Variants in VAV3 observed in about 807,000 individuals in gnomAD.
VAV3 encodes guanine nucleotide exchange factor VAV3.
Under a neutral mutation model 131.2 loss-of-function variants are expected in VAV3, and 94 were observed. The ratio of observed to expected loss-of-function variants is 0.72; its 90% confidence interval spans 0.61 to 0.85. VAV3 has a LOEUF of 0.85. Among genes scored for constraint, VAV3 ranks in the 40% least tolerant of loss-of-function variants. The pLI is 0.00. For synonymous variants in VAV3, 349 were observed against 342.0 expected (o/e 1.02, Z -0.22); for missense variants, 939 against 1,002.7 (o/e 0.94, Z 0.86).
chr1:107,606,174 A>T (rs1237499386), intron 22 of VAV3, among the ~76,000 whole-genome samples: 2 of 152,186 alleles, frequency 1.3e-5, no homozygotes, highest in Non-Finnish European at 2.9e-5. Context: ...ATTTTATTTT[A>T]CCTAGTAATT....
At chr1:107,859,887 T>C in intron 2 of VAV3, among the ~76,000 whole-genome samples, 1 of 152,184 alleles carries the variant, frequency 6.6e-6, no homozygotes, top group African/African-American at 2.4e-5. Flanking sequence ...TAAAATTTGA[T>C]ATTTTAAATA....
At chr1:107,703,088 T>C (rs1022382419) in intron 17 of VAV3, among the ~76,000 whole-genome samples, 9 of 152,150 alleles carry the variant, frequency 5.9e-5, no homozygotes, top group Middle Eastern at 3.2e-3. Context: ...TCATTTTACA[T>C]TCTTCACAGA....
intron 2 of VAV3, among the ~76,000 whole-genome samples, chr1:107,842,721 G>A (rs753014492): frequency 2.6e-5 from 4 of 151,936 alleles, no homozygotes; most frequent in Admixed American, 6.6e-5. Flanking sequence ...TCATTTTTAC[G>A]CATTTTAATT....
chr1:107,669,077 G>A, intron 19 of VAV3: 1 of 1,080,716 alleles, frequency 9.3e-7, no homozygotes, highest in Non-Finnish European at 1.1e-6. Context: ...GAACACAGGG[G>A]AAAAAAAGAA....
At chr1:107,850,653 T>C (rs1346290978) in intron 2 of VAV3, among the ~76,000 whole-genome samples, 3 of 152,014 alleles carry the variant, frequency 2.0e-5, no homozygotes, top group African/African-American at 4.8e-5. Context: ...CAAACCACCA[T>C]GGCACATGTA....
At chr1:107,856,182 G>A (rs1669459167) in intron 2 of VAV3, among the ~76,000 whole-genome samples, 1 of 152,194 alleles carries the variant, frequency 6.6e-6, no homozygotes, top group African/African-American at 2.4e-5. Context: ...CATGAAATCT[G>A]GGATTCCCAA....
chr1:107,709,456 T>A (rs1159895819), intron 15 of VAV3, among the ~76,000 whole-genome samples: 1 of 152,188 alleles, frequency 6.6e-6, no homozygotes, highest in Non-Finnish European at 1.5e-5. Flanking sequence ...ACCTCTTATG[T>A]GAAAGAACAC....
At chr1:107,951,623 C>T (rs1007874369) in intron 1 of VAV3, among the ~76,000 whole-genome samples, 1 of 151,786 alleles carries the variant, frequency 6.6e-6, no homozygotes, top group African/African-American at 2.4e-5. Flanking sequence ...AACAAATGTA[C>T]AAGAAAAACA....
chr1:107,737,525 C>T (rs1662730859), intron 15 of VAV3, among the ~76,000 whole-genome samples: 1 of 152,052 alleles, frequency 6.6e-6, no homozygotes, highest in Non-Finnish European at 1.5e-5. Flanking sequence ...ATCAAACAAC[C>T]CATCAAAAAG....
intron 2 of VAV3, among the ~76,000 whole-genome samples, chr1:107,831,829 A>T (rs1055681376): frequency 6.6e-6 from 1 of 152,238 alleles, no homozygotes; most frequent in African/African-American, 2.4e-5. Flanking sequence ...ATGTAACCAT[A>T]GTAAAAACCA....
At chr1:107,605,248 A>AACAATATAATT (rs1342029948) in intron 22 of VAV3, among the ~76,000 whole-genome samples, 2 of 152,198 alleles carry the variant, frequency 1.3e-5, no homozygotes, top group Non-Finnish European at 2.9e-5. Flanking sequence ...TTGTTATAAG[A>AACAATATAATT]GTATTGAAAG....
At chr1:107,719,867 T>C (rs1661375259) in intron 15 of VAV3, among the ~76,000 whole-genome samples, 1 of 152,198 alleles carries the variant, frequency 6.6e-6, no homozygotes, top group African/African-American at 2.4e-5. Context: ...CACCATGGAA[T>C]ACTATGCAGC....
At chr1:107,848,079 T>C (rs962237709) in intron 2 of VAV3, among the ~76,000 whole-genome samples, 1 of 151,968 alleles carries the variant, frequency 6.6e-6, no homozygotes, top group African/African-American at 2.4e-5. Flanking sequence ...TTTGGGAGGC[T>C]GAGGAGGGTG....
chr1:107,933,708 CAGG>C (rs1673572784), intron 1 of VAV3, among the ~76,000 whole-genome samples: 1 of 149,256 alleles, frequency 6.7e-6, no homozygotes, highest in South Asian at 2.1e-4. Flanking sequence ...TCCAGCTCCT[CAGG>C]AGGCTGAGGT....
At chr1:107,845,916 C>G (rs1668945143) in intron 2 of VAV3, among the ~76,000 whole-genome samples, 1 of 152,170 alleles carries the variant, frequency 6.6e-6, no homozygotes, top group African/African-American at 2.4e-5. Context: ...ACTAGCAACA[C>G]AGGCCAACAT....
At chr1:107,885,670 GATACAGGTAAGTACTGTTACAAT>G (rs1159719518) in intron 1 of VAV3, among the ~76,000 whole-genome samples, 4 of 151,992 alleles carry the variant, frequency 2.6e-5, no homozygotes, top group Non-Finnish European at 5.9e-5. Flanking sequence ...GTACTTACCT[GATACAGGTAAGTACTGTTACAAT>G]TCCCATTTAC....
In VAV3 at chr1:107,660,901, C is replaced by T. The variant is rs1455310176; in HGVS notation, c.1778-18146G>A. 2.6e-5 allele frequency among the ~76,000 whole-genome samples: 4 copies of T among 151,982 alleles called. No individual in the cohort carries two copies. The South Asian group carries it at 6.2e-4, about 24-fold the overall frequency. ...GAAGCACAAACCAAAAGGACATAAT[C>T]TCATCAAGTGTTCAGGGAAGGCACA... On this transcript the variant is annotated intron_variant, in intron 19 of 26. Transcript: ENST00000370056.
intron 15 of VAV3, among the ~76,000 whole-genome samples, chr1:107,738,488 A>G (rs919067864): frequency 4.6e-5 from 7 of 152,336 alleles, no homozygotes; most frequent in Non-Finnish European, 7.4e-5. Context: ...CACAATACAT[A>G]GTCTTATTCA....
chr1:107,919,594 C>T lies in VAV3; in HGVS notation c.205-44577G>A, dbSNP rs559086831. On this transcript the variant is annotated intron_variant, in intron 1 of 26. Transcript: ENST00000370056. ...ACACCTGAACTTTGGATGGAGGGAC[C>T]GGTAGGAGGATAGAGAGGGGAATAT... is the stretch of plus-strand genomic sequence containing the variant. 5.3e-5 allele frequency among the ~76,000 whole-genome samples: 8 copies of T among 151,996 alleles called. No homozygotes were observed. In the South Asian group the frequency reaches 1.2e-3, roughly 24 times the overall value.
Sources: allele counts gnomAD v4.1 joint callset (sites outside exome capture counted in the v4.1 genomes callset), GRCh38; gene constraint gnomAD v4.1.1; transcripts MANE v1.5; gene names NCBI Gene and HGNC (gene_info 2026-07-23, HGNC 2026-07-21).